The following NECAB3 variants were observed in gnomAD, a reference collection of about 807,000 sequenced individuals.
NECAB3 encodes N-terminal EF-hand calcium-binding protein 3.
A neutral mutation model predicts 57.2 loss-of-function variants in NECAB3; 38 were observed. The observed-to-expected ratio is 0.66, with a 90% CI of 0.51 to 0.87. The LOEUF is 0.87. NECAB3 is among the 40% of genes least tolerant of loss of function. The pLI, the probability that NECAB3 is intolerant of heterozygous loss-of-function variation, is 0.00. For missense variants in NECAB3, 474 were observed against 527.5 expected (o/e 0.90, Z 0.99); for synonymous variants, 223 against 222.6 (o/e 1.00, Z -0.02).
At chr20:33,662,947 A>G (rs1242079388) in intron 5 of NECAB3, among the ~76,000 whole-genome samples, 3 of 150,914 alleles carry the variant, frequency 2.0e-5, no homozygotes, top group East Asian at 3.9e-4. Context: ...AGTCTTAAAC[A>G]AAAAAAGCCC....
chr20:33,663,443 G>A (rs897097283), intron 5 of NECAB3: 4 of 1,394,714 alleles, frequency 2.9e-6, no homozygotes, highest in South Asian at 1.3e-5. Context: ...CCGGGTGGAC[G>A]AGGGTCCCAG....
At position 33,674,391 on chromosome 20, in the gene NECAB3, C is replaced by T. The variant is rs1228403319; in HGVS notation, c.-39G>A. 5 of 1,144,308 alleles carry T rather than the reference C, an allele frequency of 4.4e-6. No homozygotes were observed. Among genetic ancestry groups the T allele is most frequent in the Non-Finnish European group, 5.4e-6 (5 of 932,128 alleles). 70.9% of individuals were successfully genotyped at this position (1,144,308 alleles called of 1,614,324 possible). On this transcript the variant is annotated 5_prime_UTR_variant, in exon 1 of 12. Coordinates refer to ENST00000246190, the MANE Select transcript of NECAB3 (RefSeq NM_031232.4). ...GCTCGGGCTCGGCTGCGGTTGCTGC[C>T]GACCCTGGACGCCGCGGCGGACTCG...
At chr20:33,670,864 C>T (rs1353330172) in intron 2 of NECAB3, 72 bp from the exon 3 acceptor site, 1 of 1,146,884 alleles carries the variant, frequency 8.7e-7, no homozygotes, top group Non-Finnish European at 1.3e-6. Flanking sequence ...GCCACCAGGT[C>T]CAGGGTCCCA....
intron 1 of NECAB3, among the ~76,000 whole-genome samples, chr20:33,672,643 TCTC>T (rs2017852286): frequency 6.6e-6 from 1 of 152,012 alleles, no homozygotes; most frequent in Admixed American, 6.5e-5. Flanking sequence ...TCTGCTCACT[TCTC>T]CTGCAGGGCC....
At chr20:33,659,474 G>C in intron 8 of NECAB3, 23 bp downstream of exon 8, 1 of 1,445,582 alleles carries the variant, frequency 6.9e-7, no homozygotes, top group South Asian at 1.5e-5. Flanking sequence ...CCATCCAGCC[G>C]CTTGCCCCTC....
intron 5 of NECAB3, chr20:33,662,307 G>T: frequency 1.3e-6 from 2 of 1,549,236 alleles, no homozygotes; most frequent in South Asian, 1.2e-5. Context: ...AGAGCAGACG[G>T]AGTGTGGGCC....
At chr20:33,673,546 T>C (rs1432885966) in intron 1 of NECAB3, among the ~76,000 whole-genome samples, 1 of 152,004 alleles carries the variant, frequency 6.6e-6, no homozygotes, top group African/African-American at 2.4e-5. Context: ...CAGGCCTTGG[T>C]TTTCCTACTT....
intron 8 of NECAB3, among the ~76,000 whole-genome samples, chr20:33,659,109 G>A (rs1310734487): frequency 2.6e-5 from 4 of 152,064 alleles, no homozygotes; most frequent in African/African-American, 9.7e-5. Flanking sequence ...CTTGACTGAT[G>A]CCAGATCCAA....
At chr20:33,673,935 G>C (rs2017889833) in intron 1 of NECAB3, among the ~76,000 whole-genome samples, 1 of 152,076 alleles carries the variant, frequency 6.6e-6, no homozygotes, top group African/African-American at 2.4e-5. Flanking sequence ...CCACAGAGTG[G>C]GGTGACCGCT....
chr20:33,662,484 G>A (rs1440676692), intron 5 of NECAB3: 1 of 1,551,194 alleles, frequency 6.4e-7, no homozygotes, highest in Non-Finnish European at 8.7e-7. Flanking sequence ...GAGGGCGGGG[G>A]ATGGGGAGCA....
At position 33,674,326 on chromosome 20, in the gene NECAB3, C is replaced by T; in HGVS notation, c.27G>A (p.Val9=). 4 of 1,213,030 alleles carry T rather than the reference C, an allele frequency of 3.3e-6. No individual in the cohort carries two copies. In the South Asian group the frequency reaches 1.7e-4, roughly 50 times the overall value. 75.1% of individuals were successfully genotyped at this position (1,213,030 alleles called of 1,614,324 possible). A position where few individuals can be genotyped will look rare whatever the true frequency, so the allele number is the denominator to read the frequency against. ...GGGGCGCGGGCGGCCGGAGCAGGCA[C>T]ACGGTGAGCAGCCCCGCGCACGCCA... The part of the protein sequence containing the change: MACAGLLT[V]CLLRPPAPQP... Residue 9 remains valine, a synonymous_variant, in exon 1 of 12, where the codon GTG becomes GTA. Transcript: ENST00000246190.
At chr20:33,663,846 C>T in intron 5 of NECAB3, 1 of 1,406,120 alleles carries the variant, frequency 7.1e-7, no homozygotes, top group Non-Finnish European at 9.2e-7. Context: ...AACGGTGCCG[C>T]TGCCCTCGCC....
At chr20:33,663,524 AC>A in intron 5 of NECAB3, 4 of 1,605,338 alleles carry the variant, frequency 2.5e-6, no homozygotes, top group Non-Finnish European at 1.7e-6. Flanking sequence ...CCCCTGTTCC[AC>A]CCCCAGACCA....
At chr20:33,659,084 C>T (rs1480773351) in intron 8 of NECAB3, among the ~76,000 whole-genome samples, 2 of 152,198 alleles carry the variant, frequency 1.3e-5, no homozygotes, top group African/African-American at 4.8e-5. Context: ...GCCATCACAC[C>T]TGGCCCCTAG....
chr20:33,673,093 G>T (rs1373925854), intron 1 of NECAB3, among the ~76,000 whole-genome samples: 1 of 152,170 alleles, frequency 6.6e-6, no homozygotes, highest in Non-Finnish European at 1.5e-5. Context: ...CAGAAGGCAA[G>T]TTCGGCAGAT....
intron 5 of NECAB3, chr20:33,664,000 CGT>C (rs1182703657): frequency 5.3e-6 from 4 of 751,028 alleles, no homozygotes; most frequent in Non-Finnish European, 7.8e-6. Context: ...GTGAACGGGG[CGT>C]GATGAAGGCA....
intron 3 of NECAB3, chr20:33,670,472 G>A: frequency 2.2e-6 from 1 of 457,252 alleles, no homozygotes; most frequent in Non-Finnish European, 3.9e-6. Flanking sequence ...ACTCAGACTT[G>A]GCTATTTTGG....
In NECAB3 at chr20:33,660,324, CAGCTGGCT is replaced by C; in HGVS notation, c.451_458del (p.Ser151AlafsTer60). On this transcript the variant is annotated frameshift_variant, in exon 6 of 12. Coordinates refer to ENST00000246190, the MANE Select transcript of NECAB3 (RefSeq NM_031232.4). LOFTEE classifies it high-confidence loss of function. This position sits in a 1 kb window ranked among gnomAD's most constrained non-coding sequence, Gnocchi z 4.1. The stretch of plus-strand genomic sequence containing the variant: ...CCTCCAGCGAGCTCTGAAGGGCTTG[CAGCTGGCT>C]CACCGTCTCCCGCAGCAGGAAGCGC... The C allele has an allele frequency of 6.2e-7, 1 of 1,613,448 alleles. No homozygotes were observed. Among genetic ancestry groups the C allele is most frequent in the Non-Finnish European group, 8.5e-7 (1 of 1,179,992 alleles).
chr20:33,675,095 C>A (rs2017929898), upstream of NECAB3, among the ~76,000 whole-genome samples: 1 of 151,812 alleles, frequency 6.6e-6, no homozygotes, highest in Non-Finnish European at 1.5e-5. Flanking sequence ...TGCTTTCTCT[C>A]CGGTCCTCTA....
Sources: allele counts gnomAD v4.1 joint callset (sites outside exome capture counted in the v4.1 genomes callset), GRCh38; gene constraint gnomAD v4.1.1; non-coding constraint Gnocchi (gnomAD v3.1); transcripts MANE v1.5; gene names NCBI Gene and HGNC (gene_info 2026-07-23, HGNC 2026-07-21).